The following CFAP53 variants were observed in gnomAD, a reference collection of about 807,000 sequenced individuals.
The protein encoded by CFAP53 is cilia- and flagella-associated protein 53.
Under a neutral mutation model 59.7 loss-of-function variants are expected in CFAP53, and 62 were observed. The observed-to-expected ratio is 1.04, with a 90% CI of 0.85 to 1.28. The LOEUF is 1.28. Ranked by LOEUF, CFAP53 falls within the 50% of genes most tolerant of loss-of-function variation. CFAP53 has a pLI of 0.00. For synonymous variants in CFAP53, 218 were observed against 205.7 expected (o/e 1.06, Z -0.51); for missense variants, 629 against 615.6 (o/e 1.02, Z -0.23).
chr18:50,239,799 T>C (rs569750912), intron 6 of CFAP53, among the ~76,000 whole-genome samples: 2 of 152,348 alleles, frequency 1.3e-5, no homozygotes, highest in South Asian at 2.1e-4. Context: ...AAATTATATA[T>C]GTAGTAAAAA....
At chr18:50,253,220 G>C (rs1431421255) in intron 3 of CFAP53, among the ~76,000 whole-genome samples, 2 of 152,014 alleles carry the variant, frequency 1.3e-5, no homozygotes, top group African/African-American at 4.8e-5. Context: ...GTTTCACCGT[G>C]TTACCCAGGA....
rs183596259 is a variant in CFAP53, at chr18:50,237,026, G to A, written c.1316+1577C>T. On this transcript the variant is annotated intron_variant, in intron 7 of 7. Coordinates refer to ENST00000398545, the MANE Select transcript of CFAP53 (RefSeq NM_145020.5). ...AAGACTTTTTAAAAATGAGAAAGAG[G>A]CCAGGCGCAGTGGCTCACGCCTGTA... is the stretch of plus-strand genomic sequence containing the variant. 4.6e-4 allele frequency among the ~76,000 whole-genome samples: 70 copies of A among 151,726 alleles called. No individual in the cohort carries two copies. The East Asian group carries it at 0.012, about 25-fold the overall frequency.
At chr18:50,230,850 T>C (rs2033576697) in intron 7 of CFAP53, among the ~76,000 whole-genome samples, 3 of 152,224 alleles carry the variant, frequency 2.0e-5, no homozygotes, top group Admixed American at 6.5e-5. Context: ...AATAGAATTT[T>C]ATCAGAAATA....
chr18:50,259,348 G>A (rs1393013778), intron 3 of CFAP53, among the ~76,000 whole-genome samples: 14 of 151,886 alleles, frequency 9.2e-5, no homozygotes, highest in Non-Finnish European at 2.1e-4. Context: ...AATAAGCCAG[G>A]CACAGAAAGA....
intron 6 of CFAP53, among the ~76,000 whole-genome samples, chr18:50,240,128 C>G (rs992070983): frequency 1.3e-5 from 2 of 152,066 alleles, no homozygotes; most frequent in African/African-American, 4.8e-5. Flanking sequence ...CTGCTCCACT[C>G]TGACTCATTC....
rs555917558 is a variant in CFAP53 at position 50,266,455 on chromosome 18, C to A, written c.-51G>T. ...CGGCGTCCGCCGCGTTTCCCCCAAC[C>A]GTGGCGACCTGCGGGACCCGCTTCC... On this transcript the variant is annotated 5_prime_UTR_variant, in exon 1 of 8. Transcript: ENST00000398545. 5.4e-4 allele frequency: 860 copies of A among 1,578,580 alleles called. 16 individuals are homozygous for A. The South Asian group carries it at 9.0e-3, about 17-fold the overall frequency.
In CFAP53 at chr18:50,238,709, A is replaced by G. The variant is rs202154283; in HGVS notation, c.1214-4T>C. ...TGTTCTTTAGCTTCTCGTTGCACTA[A>G]GAAAAGCAAAAGTAATTATATGTCA... is the stretch of plus-strand genomic sequence containing the variant. On this transcript the variant is annotated splice_polypyrimidine_tract_variant and splice_region_variant and intron_variant, in intron 6 of 7. Transcript: ENST00000398545. The G allele has an allele frequency of 6.2e-7, 1 of 1,603,870 alleles. No individual in the cohort carries two copies. The highest frequency in any genetic ancestry group is 1.1e-5 in the South Asian group (1 of 90,088).
intron 3 of CFAP53, among the ~76,000 whole-genome samples, chr18:50,253,078 A>G (rs935272398): frequency 6.7e-6 from 1 of 150,182 alleles, no homozygotes; most frequent in Admixed American, 6.7e-5. Flanking sequence ...GTGCAGTGGC[A>G]CGATCTCGGC....
At chr18:50,247,346 C>T (rs1382659009) in intron 5 of CFAP53, among the ~76,000 whole-genome samples, 2 of 152,178 alleles carry the variant, frequency 1.3e-5, no homozygotes, top group Non-Finnish European at 2.9e-5. Flanking sequence ...AACCCTCATA[C>T]ACTGCTGGTG....
At chr18:50,245,532 T>C (rs1225039905) in intron 5 of CFAP53, among the ~76,000 whole-genome samples, 1 of 152,228 alleles carries the variant, frequency 6.6e-6, no homozygotes, top group African/African-American at 2.4e-5. Context: ...AGAAATGTTA[T>C]ACTTAGGAAT....
intron 7 of CFAP53, among the ~76,000 whole-genome samples, chr18:50,231,313 G>GTCTT (rs1293516398): frequency 1.3e-5 from 2 of 152,178 alleles, no homozygotes; most frequent in African/African-American, 4.8e-5. Context: ...ACCTACAACT[G>GTCTT]TCTTGGTAAA....
At chr18:50,254,164 GA>G (rs1326595867) in intron 3 of CFAP53, among the ~76,000 whole-genome samples, 1 of 149,568 alleles carries the variant, frequency 6.7e-6, no homozygotes, top group Non-Finnish European at 1.5e-5. Flanking sequence ...TATAGTCTAG[GA>G]AAAAAACCAC....
chr18:50,251,072 A>C, intron 4 of CFAP53, 96 bp from the exon 5 acceptor site: 1 of 972,472 alleles, frequency 1.0e-6, no homozygotes, highest in East Asian at 2.4e-5. Flanking sequence ...GGATTTCTGG[A>C]AATACACACA....
At chr18:50,260,717 T>G (rs1343127450) in intron 3 of CFAP53, among the ~76,000 whole-genome samples, 1 of 151,978 alleles carries the variant, frequency 6.6e-6, no homozygotes, top group African/African-American at 2.4e-5. Context: ...GCAGCACAGG[T>G]AGAGACTACA....
At chr18:50,259,287 C>A (rs1434774363) in intron 3 of CFAP53, among the ~76,000 whole-genome samples, 1 of 152,068 alleles carries the variant, frequency 6.6e-6, no homozygotes, top group Non-Finnish European at 1.5e-5. Flanking sequence ...AGAATGAAAT[C>A]CAGTCATTTA....
At chr18:50,253,284 G>A (rs188638012) in intron 3 of CFAP53, among the ~76,000 whole-genome samples, 20 of 152,298 alleles carry the variant, frequency 1.3e-4, no homozygotes, top group African/African-American at 4.6e-4. Context: ...CCAAAGTGCT[G>A]GGATTACAGG....
intron 7 of CFAP53, among the ~76,000 whole-genome samples, chr18:50,231,172 T>C (rs986027994): frequency 6.6e-6 from 1 of 152,232 alleles, no homozygotes; most frequent in African/African-American, 2.4e-5. Context: ...TGTTATCAAG[T>C]AGCCCAAGAA....
intron 3 of CFAP53, among the ~76,000 whole-genome samples, chr18:50,258,721 A>C (rs112595397): frequency 2.2e-4 from 34 of 152,360 alleles, no homozygotes; most frequent in African/African-American, 7.7e-4. Context: ...AGAGATTAAT[A>C]ACCAGAATAT....
chr18:50,261,460 T>C (rs2033893516), intron 2 of CFAP53, among the ~76,000 whole-genome samples: 1 of 152,194 alleles, frequency 6.6e-6, no homozygotes, highest in African/African-American at 2.4e-5. Flanking sequence ...AGTGTGATCA[T>C]GGCTCACTGC....
Sources: allele counts gnomAD v4.1 joint callset (sites outside exome capture counted in the v4.1 genomes callset), GRCh38; gene constraint gnomAD v4.1.1; transcripts MANE v1.5; gene names NCBI Gene and HGNC (gene_info 2026-07-23, HGNC 2026-07-21).